Variants in KNL1 observed in about 807,000 individuals in gnomAD.
KNL1 encodes the protein kinetochore scaffold 1.
Under a neutral mutation model 201.3 loss-of-function variants are expected in KNL1, and 66 were observed. That is an observed-to-expected ratio of 0.33 (90% CI 0.27 to 0.40). KNL1 has a LOEUF of 0.40. Ranked by LOEUF, KNL1 falls within the 10% of genes least tolerant of loss-of-function variation. KNL1 has a pLI of 1.00. For synonymous variants in KNL1, 895 were observed against 899.2 expected, an observed-to-expected ratio of 1.00 and a Z score of 0.08; for missense variants, 2,815 against 2,690.5, an observed-to-expected ratio of 1.05 and a Z score of -1.02.
At position 40,625,132 on chromosome 15, in the gene KNL1, A is replaced by G. The variant is rs1384302646; in HGVS notation, c.4868A>G (p.Asn1623Ser). 1.2e-6 allele frequency: 2 copies of G among 1,614,124 alleles called. No homozygotes were observed. The highest frequency in any genetic ancestry group is 2.7e-5 in the African/African-American group (2 of 75,072). The change falls in exon 10 of 26, where the codon AAT becomes AGT. Residue 1623 changes from asparagine to serine, a missense_variant. Asn to Ser is a conservative substitution (Grantham distance 46, BLOSUM62 1). This residue lies in a region of KNL1 where 2,464 missense variants were observed against 2,291.7 expected (regional missense o/e 1.08). Coordinates refer to ENST00000399668, the MANE Select transcript of KNL1 (RefSeq NM_144508.5). ...SNAKDSRDEE[N>S]KKSHNGAETT... ...GCTAAAGATAGTAGAGATGAGGAAA[A>G]TAAAAAGTCTCATAATGGAGCTGAA...
rs773826176 is a variant in KNL1, at chr15:40,602,963, A to G, written c.32A>G (p.Glu11Gly). The change falls in exon 2 of 26, where the codon GAA becomes GGA. Residue 11 changes from glutamate to glycine, a missense_variant. This residue lies in a region of KNL1 where 2,464 missense variants were observed against 2,291.7 expected (regional missense o/e 1.08). Transcript: ENST00000399668. ...GGGGTGTCTTCAGAGGCTAATGAAG[A>G]AAAGTAAGTTCATTTAATGCAGCTA... Reference protein sequence around the residue: MDGVSSEANEENDNIERPVRR... With the variant: MDGVSSEANEGNDNIERPVRR... 31 of 1,591,684 alleles carry G rather than the reference A, an allele frequency of 1.9e-5. No homozygotes were observed. In the South Asian group the frequency reaches 3.4e-4, roughly 17 times the overall value.
At chr15:40,604,749 A>G (rs1386836938) in intron 2 of KNL1, among the ~76,000 whole-genome samples, 1 of 152,220 alleles carries the variant, frequency 6.6e-6, no homozygotes, top group East Asian at 1.9e-4. Flanking sequence ...CTAAAAAATT[A>G]TCTGTTTAGC....
intron 3 of KNL1, among the ~76,000 whole-genome samples, chr15:40,605,980 C>T (rs1041892313): frequency 2.6e-5 from 4 of 152,136 alleles, no homozygotes; most frequent in African/African-American, 4.8e-5. Flanking sequence ...CCAAGTCCTA[C>T]GTGAAGAATA....
chr15:40,635,955 G>A (rs147325866), intron 13 of KNL1, among the ~76,000 whole-genome samples: 1 of 152,122 alleles, frequency 6.6e-6, no homozygotes, highest in Non-Finnish European at 1.5e-5. Flanking sequence ...CCCTGCTTCA[G>A]CCTCCCCAGT....
chr15:40,650,064 T>G, intron 17 of KNL1: 1 of 350,918 alleles, frequency 2.8e-6, no homozygotes. Flanking sequence ...TGACCATGAG[T>G]ACATGAATTC....
intron 1 of KNL1, 136 bp downstream of exon 1, chr15:40,594,528 A>G (rs973408108): frequency 2.6e-5 from 4 of 152,204 alleles, no homozygotes; most frequent in Admixed American, 2.6e-4. Flanking sequence ...GGCCGAGTAG[A>G]CGCCCCTGCC....
intron 13 of KNL1, among the ~76,000 whole-genome samples, chr15:40,631,914 T>G (rs4457966): frequency 0.25 from 38,420 of 150,952 alleles, 6,002 homozygotes; most frequent in Middle Eastern, 0.37. Context: ...GAGGCTGTCA[T>G]GGGAGGATCT....
At chr15:40,641,453 C>T (rs984276551) in intron 14 of KNL1, among the ~76,000 whole-genome samples, 4 of 152,156 alleles carry the variant, frequency 2.6e-5, no homozygotes, top group Non-Finnish European at 4.4e-5. Flanking sequence ...TAGAGATTTA[C>T]GCAAGTTGAG....
At chr15:40,648,390 C>G (rs911552157) in intron 17 of KNL1, among the ~76,000 whole-genome samples, 1 of 152,122 alleles carries the variant, frequency 6.6e-6, no homozygotes, top group African/African-American at 2.4e-5. Flanking sequence ...CAAGATCACA[C>G]CACTGCACTC....
At position 40,662,357 on chromosome 15, in the gene KNL1, T is replaced by C. The variant is rs903232033; in HGVS notation, c.*169T>C. The C allele has an allele frequency of 1.6e-5, 9 of 553,472 alleles. No homozygotes were observed. The highest frequency in any genetic ancestry group is 2.6e-5 in the Non-Finnish European group (8 of 309,966). 34.3% of individuals were successfully genotyped at this position (553,472 alleles called of 1,614,324 possible). ...TTATATCTCTGCAGAATGATGGTGA[T>C]GAAGTCTGGATGGTAGGCCTCATAG... On this transcript the variant is annotated 3_prime_UTR_variant, in exon 26 of 26. Coordinates refer to ENST00000399668, the MANE Select transcript of KNL1 (RefSeq NM_144508.5).
Position 40,624,724 on chromosome 15 carries a change from A to C in KNL1, c.4460A>C (p.Glu1487Ala). ...IIENSSAPIC[E>A]NKPKILNSEE... ...GAAAATTCCTCTGCACCCATATGTG[A>C]AAACAAGCCCAAAATACTCAATAGT... Residue 1487 changes from glutamate (E) to alanine (A), a missense_variant, in exon 10 of 26, where the codon GAA becomes GCA. Physicochemically the swap from Glu to Ala is moderately radical, Grantham distance 107. Around this residue, in one of 3 missense-constraint regions of KNL1, gnomAD observed 2,464 missense variants for 2,291.7 expected, o/e 1.08. Transcript: ENST00000399668. 1 of 1,613,550 alleles carries C rather than the reference A, an allele frequency of 6.2e-7. No homozygotes were observed. The highest frequency in any genetic ancestry group is 8.5e-7 in the Non-Finnish European group (1 of 1,179,824).
intron 1 of KNL1, among the ~76,000 whole-genome samples, chr15:40,595,993 A>G (rs576429490): frequency 1.3e-5 from 2 of 152,124 alleles, no homozygotes; most frequent in Non-Finnish European, 2.9e-5. Context: ...TTTAGTTGTT[A>G]TTGCTTGCCT....
intron 8 of KNL1, 45 bp downstream of exon 8, chr15:40,615,423 C>T (rs748157259): frequency 1.3e-5 from 7 of 554,196 alleles, no homozygotes; most frequent in Middle Eastern, 5.8e-4. Context: ...ATAGTCTATT[C>T]ATCTAGGTTT....
chr15:40,633,524 A>T (rs896138223), intron 13 of KNL1, among the ~76,000 whole-genome samples: 12 of 152,058 alleles, frequency 7.9e-5, no homozygotes, highest in Non-Finnish European at 1.6e-4. Context: ...TGTCTTATGT[A>T]TTTACTATAC....
chr15:40,594,867 G>T (rs1001243288), intron 1 of KNL1, among the ~76,000 whole-genome samples: 5 of 152,196 alleles, frequency 3.3e-5, no homozygotes, highest in Non-Finnish European at 5.9e-5. Flanking sequence ...TGTCTGCTCG[G>T]AGTGCTGGCC....
chr15:40,658,546 AGAGAGAATCTGTCTC>A (rs369043265), intron 24 of KNL1, among the ~76,000 whole-genome samples: 1 of 56,462 alleles, frequency 1.8e-5, no homozygotes, highest in Non-Finnish European at 3.9e-5. Context: ...AAAAAAAAAA[AGAGAGAATCTGTCTC>A]AAAAAAAAAA....
rs370367111 is a variant in KNL1 at position 40,624,433 on chromosome 15, A to G, written c.4169A>G (p.Asp1390Gly). Reference protein sequence around the residue: ...DCVITLHKDQDLIKDPRNLLA... With the variant: ...DCVITLHKDQGLIKDPRNLLA... ...GTTATAACACTGCACAAAGATCAAG[A>G]TCTGATTAAGGATCCACGAAATCTA... Residue 1390 changes from aspartate to glycine, a missense_variant, in exon 10 of 26, where the codon GAT (aspartate) becomes GGT (glycine). Physicochemically the swap from Asp to Gly is moderately conservative, Grantham distance 94. Coordinates refer to ENST00000399668, the MANE Select transcript of KNL1 (RefSeq NM_144508.5). 1.2e-6 allele frequency: 2 copies of G among 1,614,008 alleles called. No homozygotes were observed.
chr15:40,662,345 G>A lies in KNL1; in HGVS notation c.*157G>A. 1 of 565,776 alleles carries A rather than the reference G, an allele frequency of 1.8e-6. No homozygotes were observed. 35.0% of individuals were successfully genotyped at this position (565,776 alleles called of 1,614,324 possible). ...TCTGTATGTTTTTTATATCTCTGCA[G>A]AATGATGGTGATGAAGTCTGGATGG... On this transcript the variant is annotated 3_prime_UTR_variant, in exon 26 of 26. Coordinates refer to ENST00000399668, the MANE Select transcript of KNL1 (RefSeq NM_144508.5).
At chr15:40,640,823 A>G in intron 13 of KNL1, 89 bp from the exon 14 acceptor site, 1 of 795,758 alleles carries the variant, frequency 1.3e-6, no homozygotes. Context: ...AGAACATTTT[A>G]AAATAGGCAC....
Sources: gnomAD v4.1 joint callset for allele counts (sites outside exome capture counted in the v4.1 genomes callset) on GRCh38, gnomAD v4.1.1 for gene constraint, gnomAD v4.1.1 regional missense constraint, MANE v1.5 for transcripts, NCBI Gene and HGNC (gene_info 2026-07-23, HGNC 2026-07-21) for gene names.